TEP1: variants seen among roughly 807,000 people sequenced by gnomAD.
TEP1 encodes the protein telomerase associated protein 1.
In TEP1, 241 loss-of-function variants were observed where a neutral mutation model predicts 306.3. That is an observed-to-expected ratio of 0.79 (90% confidence interval 0.71 to 0.88). TEP1 has a LOEUF of 0.88. Among genes scored for constraint, TEP1 ranks in the 40% least tolerant of loss-of-function variants. TEP1 has a pLI of 0.00. For missense variants in TEP1, 3,051 were observed against 3,276.1 expected (o/e 0.93, Z 1.68); for synonymous variants, 1,289 against 1,305.5 (o/e 0.99, Z 0.27).
chr14:20,408,373 C>T lies in TEP1; in HGVS notation c.67G>A (p.Ala23Thr), dbSNP rs770428466. 5.0e-6 allele frequency: 8 copies of T among 1,613,950 alleles called. 1 individual carries two copies. The African/African-American group carries it at 1.1e-4, about 22-fold the overall frequency. Residue 23 changes from alanine to threonine, a missense_variant, in exon 2 of 55, where the codon GCT (alanine) becomes ACT (threonine). This residue lies in a region of TEP1 where 1,507 missense variants were observed against 1,550.5 expected (regional missense o/e 0.97). Coordinates refer to ENST00000262715, the MANE Select transcript of TEP1 (RefSeq NM_007110.5). Reference protein sequence around the residue: ...DILSLENRCLAMLPDLQPLEK... With the variant: ...DILSLENRCLTMLPDLQPLEK... ...AAGGGCTGTAAGTCAGGGAGCATAGCCAGGCACCGGTTCTCCAAGGAGAGG... is the reference window on the plus strand; with the variant it reads ...AAGGGCTGTAAGTCAGGGAGCATAGTCAGGCACCGGTTCTCCAAGGAGAGG...
intron 7 of TEP1, 120 bp downstream of exon 7, chr14:20,403,257 A>C (rs1319376803): frequency 4.6e-6 from 6 of 1,293,296 alleles, no homozygotes; most frequent in Non-Finnish European, 6.4e-6. Flanking sequence ...CCTTACCCAC[A>C]ATCACAGCCA....
intron 20 of TEP1, among the ~76,000 whole-genome samples, chr14:20,385,689 A>G (rs1314936762): frequency 2.6e-5 from 4 of 152,192 alleles, no homozygotes; most frequent in African/African-American, 9.7e-5. Context: ...CAGACTTTCA[A>G]TTCTCATAAT....
In TEP1 at chr14:20,390,954, A is replaced by T. The variant is rs1877655937; in HGVS notation, c.2240T>A (p.Leu747His). 1 of 1,613,928 alleles carries T rather than the reference A, an allele frequency of 6.2e-7. No homozygotes were observed. Among genetic ancestry groups the T allele is most frequent in the South Asian group, 1.1e-5 (1 of 91,066 alleles). Residue 747 changes from leucine to histidine, a missense_variant, in exon 14 of 55, where the codon CTC (leucine) becomes CAC (histidine). Physicochemically the swap from Leu to His is moderately conservative, Grantham distance 99. Around this residue, in one of 3 missense-constraint regions of TEP1, gnomAD observed 1,507 missense variants for 1,550.5 expected, o/e 0.97. Coordinates refer to ENST00000262715, the MANE Select transcript of TEP1 (RefSeq NM_007110.5). The stretch of plus-strand genomic sequence containing the variant: ...GTGTCTGACCTGGACTTGAGCCTGG[A>T]GCTTGATGGCAGTCTTCAGGATGCC... ...EEGILKTAIK[L>H]QAQVQEFDEN...
At chr14:20,399,855 G>C (rs1381354727) in intron 9 of TEP1, among the ~76,000 whole-genome samples, 1 of 151,776 alleles carries the variant, frequency 6.6e-6, no homozygotes, top group Non-Finnish European at 1.5e-5. Context: ...AGTGGAGATG[G>C]GTGCATATAG....
intron 51 of TEP1, among the ~76,000 whole-genome samples, chr14:20,370,665 G>A (rs567155649): frequency 2.0e-5 from 3 of 152,186 alleles, no homozygotes; most frequent in African/African-American, 4.8e-5. Flanking sequence ...CGGCTTTGCA[G>A]AATGTATGTA....
chr14:20,369,313 C>G, intron 53 of TEP1, 31 bp downstream of exon 53: 1 of 1,611,442 alleles, frequency 6.2e-7, no homozygotes, highest in Non-Finnish European at 8.5e-7. Context: ...CAGCCCTCCC[C>G]TAGTATTTCT....
chr14:20,377,528 T>C, intron 40 of TEP1, 36 bp from the exon 41 acceptor site: 1 of 1,612,234 alleles, frequency 6.2e-7, no homozygotes, highest in Non-Finnish European at 8.5e-7. Context: ...GTAAGACACT[T>C]GGGAAGGGGT....
In TEP1 at chr14:20,381,402, C is replaced by T; in HGVS notation, c.4559-1G>A. On this transcript the variant is annotated splice_acceptor_variant, in intron 31 of 54. Transcript: ENST00000262715. LOFTEE classifies it high-confidence loss of function. This position sits in a 1 kb window ranked among gnomAD's most constrained non-coding sequence, Gnocchi z 4.0. Reference sequence around the variant, plus strand: ...GCGTCACATGTCTTCCAGAGCTGAGCTGCATGAACAGATATTGAGAAAGGC... The same window carrying T: ...GCGTCACATGTCTTCCAGAGCTGAGTTGCATGAACAGATATTGAGAAAGGC... 9 of 1,614,090 alleles carry T rather than the reference C, an allele frequency of 5.6e-6. No homozygotes were observed. The highest frequency in any genetic ancestry group is 7.6e-6 in the Non-Finnish European group (9 of 1,180,034).
intron 20 of TEP1, among the ~76,000 whole-genome samples, chr14:20,385,557 G>A (rs577005761): frequency 2.6e-5 from 4 of 152,078 alleles, no homozygotes; most frequent in Non-Finnish European, 4.4e-5. Context: ...ATTTTTAGTA[G>A]AGACAGGGTT....
intron 1 of TEP1, among the ~76,000 whole-genome samples, chr14:20,409,753 G>A (rs1252639021): frequency 6.6e-6 from 1 of 152,050 alleles, no homozygotes; most frequent in South Asian, 2.1e-4. Flanking sequence ...GGGCGCGGTG[G>A]CTCACGCCTG....
intron 2 of TEP1, 41 bp downstream of exon 2, chr14:20,407,832 C>A (rs751615315): frequency 1.3e-6 from 2 of 1,495,654 alleles, no homozygotes; most frequent in Non-Finnish European, 1.8e-6. Context: ...GAGCATACAA[C>A]AGACATGGCT....
Position 20,403,458 on chromosome 14 carries a change from CAGG to C in TEP1, c.1195-13_1195-11del. The C allele has an allele frequency of 6.2e-7, 1 of 1,613,992 alleles. No individual in the cohort carries two copies. The highest frequency in any genetic ancestry group is 1.3e-5 in the African/African-American group (1 of 75,004). ...ATGGAGGCTCCATCCCCTGTAGGGA[CAGG>C]AGAAGCAATTTCAAAAAAAGGGAAC... is the stretch of plus-strand genomic sequence containing the variant. On this transcript the variant is annotated splice_polypyrimidine_tract_variant and intron_variant, in intron 6 of 54. Transcript: ENST00000262715.
At chr14:20,389,468 T>G in intron 16 of TEP1, 142 bp downstream of exon 16, 1 of 1,447,830 alleles carries the variant, frequency 6.9e-7, no homozygotes. Context: ...GGCTAAAGTA[T>G]CCACCTGAAG....
chr14:20,377,164 G>A (rs1045378668), intron 41 of TEP1, 116 bp downstream of exon 41: 21 of 857,882 alleles, frequency 2.4e-5, no homozygotes, highest in Middle Eastern at 6.7e-4. Context: ...GCAGTGAGCC[G>A]AGACCGTACC....
chr14:20,412,696 T>C (rs915316314), intron 1 of TEP1, among the ~76,000 whole-genome samples: 126 of 149,410 alleles, frequency 8.4e-4, no homozygotes, highest in Non-Finnish European at 1.4e-3. Context: ...TTTTTTTTTT[T>C]TTTTTTGAGG....
rs1337232625 is a variant in TEP1, at chr14:20,377,718, A to G, written c.5757T>C (p.Arg1919=). The G allele has an allele frequency of 1.4e-5, 22 of 1,613,900 alleles. No homozygotes were observed. Among genetic ancestry groups the G allele is most frequent in the African/African-American group, 4.0e-5 (3 of 74,892 alleles). ...AGAGAGAAAGGGAACCCAGGTGCCC[A>G]CGGGGCCGACCCAGAGACCCTGACC... ...QVWSGSLGRP[R]GHLGSLSLSP... Residue 1919 remains arginine, a synonymous_variant, in exon 40 of 55, where the codon CGT becomes CGC. Coordinates refer to ENST00000262715, the MANE Select transcript of TEP1 (RefSeq NM_007110.5).
At chr14:20,379,786 G>T in intron 35 of TEP1, 144 bp downstream of exon 35, 1 of 1,085,750 alleles carries the variant, frequency 9.2e-7, no homozygotes, top group Non-Finnish European at 1.3e-6. Flanking sequence ...TGATTTTTTG[G>T]CCAAGCCCTT....
intron 49 of TEP1, among the ~76,000 whole-genome samples, chr14:20,372,362 ATG>A (rs1207479974): frequency 4.6e-4 from 62 of 135,092 alleles, no homozygotes; most frequent in African/African-American, 1.6e-3. Context: ...CCCCAGGAAT[ATG>A]TGTGTGTGTG....
At chr14:20,378,594 C>T in intron 37 of TEP1, 59 bp from the exon 38 acceptor site, 1 of 1,609,168 alleles carries the variant, frequency 6.2e-7, no homozygotes, top group Non-Finnish European at 8.5e-7. Context: ...CTTCTCAGTC[C>T]CAGACCTCCA....
Sources: allele counts gnomAD v4.1 joint callset (sites outside exome capture counted in the v4.1 genomes callset), GRCh38; gene constraint gnomAD v4.1.1; regional missense constraint gnomAD v4.1.1; non-coding constraint Gnocchi (gnomAD v3.1); transcripts MANE v1.5; gene names NCBI Gene and HGNC (gene_info 2026-07-23, HGNC 2026-07-21).